Variants in RBFOX1 observed in about 807,000 individuals in gnomAD.
RBFOX1 encodes the protein RNA binding protein fox-1 homolog 1.
Under a neutral mutation model 57.7 loss-of-function variants are expected in RBFOX1, and 8 were observed. The ratio of observed to expected loss-of-function variants is 0.14; its 90% CI spans 0.08 to 0.25. The LOEUF (loss-of-function observed/expected upper bound fraction) is 0.25. Among genes scored for constraint, RBFOX1 ranks in the 10% least tolerant of loss-of-function variants. The probability of loss-of-function intolerance (pLI) is 1.00; values close to 1 mark genes in which losing one functional copy is unlikely to be tolerated. For missense variants in RBFOX1, 611 were observed against 548.5 expected (o/e 1.11, Z -1.14); for synonymous variants, 326 against 222.4 (o/e 1.47, Z -4.15).
chr16:5,546,734 A>G (rs181189859), intron 2 of RBFOX1, among the ~76,000 whole-genome samples: 4 of 152,356 alleles, frequency 2.6e-5, no homozygotes, highest in African/African-American at 7.2e-5. Context: ...AACAAGACCT[A>G]TTAAAAATGG....
chr16:7,231,966 T>C (rs2093521219), intron 4 of RBFOX1, among the ~76,000 whole-genome samples: 1 of 152,136 alleles, frequency 6.6e-6, no homozygotes, highest in Non-Finnish European at 1.5e-5. Flanking sequence ...ATGACGTATT[T>C]TGGAACTAGA....
chr16:5,338,344 A>G lies in RBFOX1; in HGVS notation c.219+98239A>G, dbSNP rs191415019. 5.3e-5 allele frequency among the ~76,000 whole-genome samples: 8 copies of G among 152,266 alleles called. No homozygotes were observed. In the East Asian group the frequency reaches 1.4e-3, roughly 26 times the overall value. On this transcript the variant is annotated intron_variant, in intron 1 of 2. Coordinates refer to the RBFOX1 transcript ENST00000585867. ...GGGACTTTATAATTGGGAAGTAGAG[A>G]TGCTTGTTAATCTTTGCTGTTGCCT...
chr16:7,310,017 G>A (rs550656723), intron 4 of RBFOX1, among the ~76,000 whole-genome samples: 2 of 152,358 alleles, frequency 1.3e-5, no homozygotes, highest in East Asian at 3.9e-4. Context: ...GCCGGGCTGA[G>A]CGTTGGCCCG....
At chr16:6,881,924 C>G (rs1448582608) in intron 3 of RBFOX1, among the ~76,000 whole-genome samples, 1 of 152,022 alleles carries the variant, frequency 6.6e-6, no homozygotes. Flanking sequence ...GATGTAGGCT[C>G]CTGCTGGCTA....
intron 3 of RBFOX1, among the ~76,000 whole-genome samples, chr16:6,851,122 G>C (rs1367205789): frequency 2.6e-5 from 4 of 151,956 alleles, no homozygotes; most frequent in Non-Finnish European, 5.9e-5. Context: ...GTGGTGAGTG[G>C]AAAAAAAGCC....
intron 3 of RBFOX1, among the ~76,000 whole-genome samples, chr16:5,768,863 C>T (rs1216013821): frequency 6.6e-6 from 1 of 152,098 alleles, no homozygotes; most frequent in Non-Finnish European, 1.5e-5. Flanking sequence ...CGGACCATCA[C>T]TGTTTTTTGT....
intron 2 of RBFOX1, among the ~76,000 whole-genome samples, chr16:6,380,765 A>C (rs2091732158): frequency 6.6e-6 from 1 of 152,142 alleles, no homozygotes; most frequent in African/African-American, 2.4e-5. Flanking sequence ...ACACATAATC[A>C]ATTTGGATAA....
rs535162811 is a variant in RBFOX1, at chr16:7,479,176, C to T, written c.28-38971C>T. On this transcript the variant is annotated intron_variant, in intron 4 of 15. Transcript: ENST00000550418. ...TCTCGGTCTGTTGCCTAGGCTGGAGCGCAGTGGTGTGATCTCGGCTCAGTG... is the reference window on the plus strand; with the variant it reads ...TCTCGGTCTGTTGCCTAGGCTGGAGTGCAGTGGTGTGATCTCGGCTCAGTG... Among the ~76,000 whole-genome samples, 27 of 150,634 alleles carry T rather than the reference C, an allele frequency of 1.8e-4. 1 individual carries two copies. The highest frequency in any genetic ancestry group is 1.5e-4 in the African/African-American group (6 of 41,048).
At chr16:5,720,119 G>A (rs551165410) in intron 3 of RBFOX1, among the ~76,000 whole-genome samples, 2 of 152,164 alleles carry the variant, frequency 1.3e-5, no homozygotes, top group African/African-American at 4.8e-5. Flanking sequence ...CCATCTTAGT[G>A]AGTGTGAAGT....
intron 3 of RBFOX1, among the ~76,000 whole-genome samples, chr16:7,040,765 G>C (rs1188992233): frequency 1.3e-5 from 2 of 152,160 alleles, no homozygotes; most frequent in African/African-American, 2.4e-5. Flanking sequence ...TTTTGTCATA[G>C]ACATCATTCC....
intron 2 of RBFOX1, among the ~76,000 whole-genome samples, chr16:6,536,415 C>T (rs2096736379): frequency 6.6e-6 from 1 of 152,194 alleles, no homozygotes; most frequent in African/African-American, 2.4e-5. Flanking sequence ...CCCTATTGTC[C>T]TCCCCTGTTG....
intron 3 of RBFOX1, among the ~76,000 whole-genome samples, chr16:6,764,390 T>C (rs1413891736): frequency 6.6e-6 from 1 of 152,192 alleles, no homozygotes; most frequent in Admixed American, 6.5e-5. Flanking sequence ...CCAAGCAGTG[T>C]CTGGTAGCCC....
At chr16:6,342,530 C>T (rs535689478) in intron 2 of RBFOX1, among the ~76,000 whole-genome samples, 7 of 152,102 alleles carry the variant, frequency 4.6e-5, no homozygotes, top group South Asian at 4.2e-4. Flanking sequence ...AGCAACCTCA[C>T]GAGATTCAAG....
At chr16:6,072,295 C>T (rs1297520970) in intron 1 of RBFOX1, among the ~76,000 whole-genome samples, 3 of 152,140 alleles carry the variant, frequency 2.0e-5, no homozygotes, top group African/African-American at 4.8e-5. Context: ...ATGGGAGCTC[C>T]AATTTAAGGT....
intron 3 of RBFOX1, among the ~76,000 whole-genome samples, chr16:6,799,829 C>T (rs67441236): frequency 0.1 from 15,417 of 152,140 alleles, 952 homozygotes; most frequent in East Asian, 0.15. Flanking sequence ...TAGCCACAGA[C>T]TGAAGGCTGC....
chr16:6,760,520 A>G (rs542543355), intron 3 of RBFOX1, among the ~76,000 whole-genome samples: 1 of 152,358 alleles, frequency 6.6e-6, no homozygotes, highest in Non-Finnish European at 1.5e-5. Flanking sequence ...GTGGTATGTG[A>G]AAAGATAAAC....
chr16:6,082,357 T>TA (rs2096015789), intron 1 of RBFOX1, among the ~76,000 whole-genome samples: 1 of 132,912 alleles, frequency 7.5e-6, no homozygotes, highest in Non-Finnish European at 1.6e-5. Flanking sequence ...ATTTTTTTTT[T>TA]TTTTTTTTTT....
At chr16:7,086,329 T>C (rs567575848) in intron 4 of RBFOX1, among the ~76,000 whole-genome samples, 1 of 152,270 alleles carries the variant, frequency 6.6e-6, no homozygotes, top group African/African-American at 2.4e-5. Flanking sequence ...TGGTCAAAAC[T>C]CAGACCTGAG....
chr16:6,577,604 T>C (rs1392438971), intron 2 of RBFOX1, among the ~76,000 whole-genome samples: 5 of 152,212 alleles, frequency 3.3e-5, no homozygotes, highest in African/African-American at 1.2e-4. Flanking sequence ...CTCTTCTGCA[T>C]GTATTGGCTC....
Sources: allele counts gnomAD v4.1 joint callset (sites outside exome capture counted in the v4.1 genomes callset), GRCh38; gene constraint gnomAD v4.1.1; transcripts MANE v1.5; gene names NCBI Gene and HGNC (gene_info 2026-07-23, HGNC 2026-07-21).